Variants in SERPINB13 observed in about 807,000 individuals in gnomAD.
The protein encoded by SERPINB13 is serpin family B member 13.
A neutral mutation model predicts 31.2 loss-of-function variants in SERPINB13; 26 were observed. The observed-to-expected ratio is 0.83, with a 90% CI of 0.61 to 1.15. The LOEUF (loss-of-function observed/expected upper bound fraction) is 1.15, where lower values mean the gene tolerates loss of function less well. Ranked by LOEUF, SERPINB13 falls within the 50% of genes most tolerant of loss-of-function variation. The pLI is 0.00. For synonymous variants in SERPINB13, 191 were observed against 172.4 expected (o/e 1.11, Z -0.85); for missense variants, 510 against 469.4 (o/e 1.09, Z -0.80).
chr18:63,594,228 A>G, intron 5 of SERPINB13, 127 bp from the exon 6 acceptor site: 1 of 1,549,364 alleles, frequency 6.5e-7, no homozygotes, highest in Non-Finnish European at 8.7e-7. Context: ...CTTTGTCAGC[A>G]AGGCCCTCAG....
In SERPINB13 at chr18:63,592,461, A is replaced by T; in HGVS notation, c.339A>T (p.Thr113=). ...NITNRLFGEK[T]YLFLQKYLDY... ...CCAACAGGCTGTTTGGAGAAAAAAC[A>T]TACCTCTTCCTTCAAGTAAGTTTGC... Residue 113 remains threonine (T), a synonymous_variant, in exon 4 of 8, where the codon ACA becomes ACT. Transcript: ENST00000344731. 2 of 1,613,484 alleles carry T rather than the reference A, an allele frequency of 1.2e-6. No individual in the cohort carries two copies. The highest frequency in any genetic ancestry group is 1.7e-6 in the Non-Finnish European group (2 of 1,179,786).
chr18:63,589,379 C>T (rs1263883038), intron 2 of SERPINB13, among the ~76,000 whole-genome samples: 1 of 151,258 alleles, frequency 6.6e-6, no homozygotes, highest in Non-Finnish European at 1.5e-5. Context: ...TCGCTTGAAT[C>T]CAGGAACAGA....
intron 6 of SERPINB13, 138 bp downstream of exon 6, chr18:63,594,635 T>G: frequency 1.1e-6 from 1 of 876,566 alleles, no homozygotes; most frequent in South Asian, 1.7e-5. Context: ...GATCAAGGGA[T>G]CGAGACTATC....
Position 63,597,438 on chromosome 18 carries a change from G to T in SERPINB13, c.*75G>T. ...TGTTACTCATATGATTATGAAAATC[G>T]TCCATTCTTTTAAATGTTGTCTCAC... On this transcript the variant is annotated 3_prime_UTR_variant, in exon 8 of 8. Transcript: ENST00000344731. 6.9e-7 allele frequency: 1 copy of T among 1,454,416 alleles called. No individual in the cohort carries two copies. The highest frequency in any genetic ancestry group is 1.4e-5 in the South Asian group (1 of 74,060). The allele number at this position is 1,454,416 out of a possible 1,614,324, so 90.1% of individuals were successfully genotyped here. A position where few individuals can be genotyped will look rare whatever the true frequency, so the allele number is the denominator to read the frequency against.
Position 63,594,387 on chromosome 18 carries a change from A to G in SERPINB13, c.505A>G (p.Ile169Val), listed in dbSNP as rs370000053. ...KIKDLFPDGS[I>V]SSSTKLVLVN... ...CAAGGACTTGTTCCCAGATGGCTCTATTAGTAGCTCTACCAAGCTGGTGCT... is the reference window on the plus strand; with the variant it reads ...CAAGGACTTGTTCCCAGATGGCTCTGTTAGTAGCTCTACCAAGCTGGTGCT... The change falls in exon 6 of 8, where the codon ATT (isoleucine) becomes GTT (valine). Residue 169 changes from isoleucine to valine, a missense_variant. Physicochemically the swap from Ile to Val is conservative, Grantham distance 29. Transcript: ENST00000344731. 53 of 1,614,156 alleles carry G rather than the reference A, an allele frequency of 3.3e-5. No homozygotes were observed. Among genetic ancestry groups the G allele is most frequent in the African/African-American group, 1.3e-5 (1 of 75,046 alleles).
Position 63,588,769 on chromosome 18 carries a change from C to G in SERPINB13, c.102C>G (p.Ile34Met). 3.1e-6 allele frequency: 5 copies of G among 1,614,156 alleles called. No individual in the cohort carries two copies. The highest frequency in any genetic ancestry group is 4.2e-6 in the Non-Finnish European group (5 of 1,180,020). The change falls in exon 2 of 8, where the codon ATC becomes ATG. Residue 34 changes from isoleucine to methionine, a missense_variant. By Grantham distance (10) the Ile-to-Met change is conservative. Coordinates refer to ENST00000344731, the MANE Select transcript of SERPINB13 (RefSeq NM_012397.4). ...DGNIFFSPVG[I>M]LTAIGMVLLG... Reference sequence around the variant, plus strand: ...ACATCTTCTTTTCCCCTGTGGGCATCTTGACTGCAATTGGCATGGTCCTCC... The same window carrying G: ...ACATCTTCTTTTCCCCTGTGGGCATGTTGACTGCAATTGGCATGGTCCTCC...
intron 3 of SERPINB13, 121 bp from the exon 4 acceptor site, chr18:63,592,227 C>T (rs985228816): frequency 2.7e-6 from 3 of 1,093,852 alleles, no homozygotes; most frequent in Admixed American, 2.7e-5. Context: ...ACATCAAACA[C>T]AGGGATCACC....
intron 7 of SERPINB13, among the ~76,000 whole-genome samples, chr18:63,595,869 G>A (rs927409107): frequency 5.9e-5 from 9 of 151,624 alleles, no homozygotes; most frequent in African/African-American, 1.7e-4. Flanking sequence ...ACTGCACTCC[G>A]CCTGGGTGAC....
intron 3 of SERPINB13, among the ~76,000 whole-genome samples, chr18:63,590,365 T>C (rs1321520370): frequency 6.6e-6 from 1 of 152,154 alleles, no homozygotes; most frequent in Non-Finnish European, 1.5e-5. Flanking sequence ...GTTAGCACTC[T>C]CAGGAAGGGC....
At chr18:63,593,224 G>A (rs1306705699) in intron 5 of SERPINB13, among the ~76,000 whole-genome samples, 1 of 152,160 alleles carries the variant, frequency 6.6e-6, no homozygotes, top group Non-Finnish European at 1.5e-5. Context: ...CGGCCAAGGG[G>A]AGCCAGTGAG....
rs550330330 is a variant in SERPINB13 at position 63,597,706 on chromosome 18, G to A, written c.*343G>A. The A allele has an allele frequency of 5.1e-6, 1 of 194,238 alleles. No individual in the cohort carries two copies. Among genetic ancestry groups the A allele is most frequent in the Non-Finnish European group, 1.1e-5 (1 of 93,860 alleles). The allele number at this position is 194,238 out of a possible 1,614,324, so 12.0% of individuals were successfully genotyped here. ...AGAGTACGAACTAGTAATTTTGGGG[G>A]GTCTCTCTAATTCTGGTATTTTGAC... On this transcript the variant is annotated 3_prime_UTR_variant, in exon 8 of 8. Coordinates refer to ENST00000344731, the MANE Select transcript of SERPINB13 (RefSeq NM_012397.4).
chr18:63,588,797 G>T lies in SERPINB13; in HGVS notation c.130G>T (p.Gly44Trp), dbSNP rs1386609413. 1 of 1,614,080 alleles carries T rather than the reference G, an allele frequency of 6.2e-7. No individual in the cohort carries two copies. Among genetic ancestry groups the T allele is most frequent in the Non-Finnish European group, 8.5e-7 (1 of 1,180,000 alleles). Residue 44 changes from glycine (G) to tryptophan (W), a missense_variant, in exon 2 of 8, where the codon GGG (glycine) becomes TGG (tryptophan). By Grantham distance (184) the Gly-to-Trp change is radical (BLOSUM62 -2). Coordinates refer to ENST00000344731, the MANE Select transcript of SERPINB13 (RefSeq NM_012397.4). ...GACTGCAATTGGCATGGTCCTCCTGGGGACCCGAGGAGCCACCGCTTCCCA... is the reference window on the plus strand; with the variant it reads ...GACTGCAATTGGCATGGTCCTCCTGTGGACCCGAGGAGCCACCGCTTCCCA... ...ILTAIGMVLL[G>W]TRGATASQLE...
intron 5 of SERPINB13, chr18:63,594,043 C>G: frequency 1.4e-6 from 1 of 694,700 alleles, no homozygotes; most frequent in Non-Finnish European, 2.4e-6. Context: ...AACTGAGGCA[C>G]AGAGAGTTTA....
chr18:63,596,384 C>T (rs1010110263), intron 7 of SERPINB13, among the ~76,000 whole-genome samples: 5 of 152,070 alleles, frequency 3.3e-5, no homozygotes, highest in Admixed American at 6.6e-5. Flanking sequence ...TCAGTTATTT[C>T]GGTATTAAAT....
At position 63,597,429 on chromosome 18, in the gene SERPINB13, A is replaced by G; in HGVS notation, c.*66A>G. ...AACTACCAGTGTTACTCATATGATT[A>G]TGAAAATCGTCCATTCTTTTAAATG... On this transcript the variant is annotated 3_prime_UTR_variant, in exon 8 of 8. Transcript: ENST00000344731. 6.8e-7 allele frequency: 1 copy of G among 1,478,728 alleles called. No homozygotes were observed. Among genetic ancestry groups the G allele is most frequent in the East Asian group, 2.3e-5 (1 of 43,910 alleles). 91.6% of individuals were successfully genotyped at this position (1,478,728 alleles called of 1,614,324 possible).
rs749807351 is a variant in SERPINB13, at chr18:63,592,872, G to GA, written c.378dup (p.Tyr127IlefsTer10). Reference sequence around the variant, plus strand: ...CCTAAAGAAATACTTAGATTATGTTGAAAAATATTATCATGCATCTCTGGA... The same window carrying GA: ...CCTAAAGAAATACTTAGATTATGTTGAAAAAATATTATCATGCATCTCTGGA... On this transcript the variant is annotated frameshift_variant, in exon 5 of 8. Coordinates refer to ENST00000344731, the MANE Select transcript of SERPINB13 (RefSeq NM_012397.4). LOFTEE classifies it high-confidence loss of function. The GA allele has an allele frequency of 6.3e-7, 1 of 1,598,472 alleles. No individual in the cohort carries two copies.
intron 7 of SERPINB13, among the ~76,000 whole-genome samples, chr18:63,596,076 A>G (rs955168057): frequency 6.6e-6 from 1 of 152,114 alleles, no homozygotes; most frequent in Non-Finnish European, 1.5e-5. Flanking sequence ...CCATCTCTGA[A>G]GAGGGCTCCA....
intron 1 of SERPINB13, among the ~76,000 whole-genome samples, 169 bp downstream of exon 1, chr18:63,587,619 C>A (rs1310356879): frequency 1.3e-5 from 2 of 152,168 alleles, no homozygotes; most frequent in Non-Finnish European, 2.9e-5. Context: ...TAAATTAATC[C>A]ATTTTATTTC....
intron 5 of SERPINB13, among the ~76,000 whole-genome samples, chr18:63,593,238 A>G (rs1355954993): frequency 1.4e-4 from 22 of 152,130 alleles, no homozygotes; most frequent in Admixed American, 1.4e-3. Flanking sequence ...CAGTGAGGGG[A>G]CTGCATGAAG....
Sources: allele counts gnomAD v4.1 joint callset (sites outside exome capture counted in the v4.1 genomes callset), GRCh38; gene constraint gnomAD v4.1.1; transcripts MANE v1.5; gene names NCBI Gene and HGNC (gene_info 2026-07-23, HGNC 2026-07-21).